Variants in SERPINE2 observed in about 807,000 individuals in gnomAD.
The protein encoded by SERPINE2 is serpin family E member 2.
A neutral mutation model predicts 36.3 loss-of-function variants in SERPINE2; 14 were observed. That is an observed-to-expected ratio of 0.39 (90% CI 0.25 to 0.60). The LOEUF is 0.60. Among genes scored for constraint, SERPINE2 ranks in the 20% least tolerant of loss-of-function variants. The pLI is 0.57. For synonymous variants in SERPINE2, 192 were observed against 191.8 expected (o/e 1.00, Z -0.01); for missense variants, 418 against 499.6 (o/e 0.84, Z 1.56).
chr2:223,984,687 G>A, intron 5 of SERPINE2, 65 bp downstream of exon 5: 3 of 1,492,692 alleles, frequency 2.0e-6, no homozygotes, highest in Non-Finnish European at 2.8e-6. Context: ...GTTGTCTGGT[G>A]TCCGACATAA....
chr2:223,989,380 G>T (rs1690560607), intron 4 of SERPINE2, among the ~76,000 whole-genome samples: 1 of 152,210 alleles, frequency 6.6e-6, no homozygotes, highest in South Asian at 2.1e-4. Context: ...TGAGGCCCAG[G>T]AAGCATCCGA....
chr2:224,021,323 C>A (rs148585450), intron 1 of SERPINE2, among the ~76,000 whole-genome samples: 1 of 152,140 alleles, frequency 6.6e-6, no homozygotes, highest in Non-Finnish European at 1.5e-5. Flanking sequence ...CCATTTCAAA[C>A]GGAGCTTGAG....
chr2:224,014,985 T>G (rs1433734792), intron 1 of SERPINE2, among the ~76,000 whole-genome samples: 1 of 151,808 alleles, frequency 6.6e-6, no homozygotes, highest in Non-Finnish European at 1.5e-5. Context: ...CTGAAGACAT[T>G]TTTTTTGGTT....
chr2:223,989,938 C>T (rs1690588251), intron 4 of SERPINE2, among the ~76,000 whole-genome samples: 1 of 152,166 alleles, frequency 6.6e-6, no homozygotes, highest in Non-Finnish European at 1.5e-5. Context: ...GGACAGTACC[C>T]TGGACAAGAA....
chr2:224,031,605 C>A lies in SERPINE2; in HGVS notation c.-23+7494G>T, dbSNP rs555710457. The stretch of plus-strand genomic sequence containing the variant: ...AATCACAGGACCTCACTCCTCTGCC[C>A]ACAGCCATTGGTATCGGGACGAGCA... On this transcript the variant is annotated intron_variant, in intron 1 of 8. Coordinates refer to ENST00000409304, the MANE Select transcript of SERPINE2 (RefSeq NM_001136528.2). 9 of 599,036 alleles carry A rather than the reference C, an allele frequency of 1.5e-5. No individual in the cohort carries two copies. The East Asian group carries it at 5.7e-4, about 38-fold the overall frequency. 37.1% of individuals were successfully genotyped at this position (599,036 alleles called of 1,614,324 possible).
At position 223,982,746 on chromosome 2, in the gene SERPINE2, G is replaced by A. The variant is rs754076799; in HGVS notation, c.920C>T (p.Pro307Leu). The change falls in exon 6 of 9, where the codon CCG (proline) becomes CTG (leucine). Residue 307 changes from proline to leucine, a missense_variant. Transcript: ENST00000409304. ...GTCAGTAATGCCAAGAACTTTCAGC[G>A]GCTCCTTCAAATCTGTTTGTGCTAC... ...TAVAQTDLKE[P>L]LKVLGITDMF... is the part of the protein sequence containing the mutation. 2.1e-5 allele frequency: 34 copies of A among 1,613,586 alleles called. No individual in the cohort carries two copies. Among genetic ancestry groups the A allele is most frequent in the Admixed American group, 1.7e-5 (1 of 59,958 alleles).
intron 1 of SERPINE2, among the ~76,000 whole-genome samples, chr2:224,017,799 G>A (rs76330385): frequency 0.01 from 1,560 of 152,266 alleles, 27 homozygotes; most frequent in African/African-American, 0.036. Context: ...ACTCGAAGCT[G>A]GCCTCTGCTG....
intron 1 of SERPINE2, among the ~76,000 whole-genome samples, chr2:224,032,494 T>C (rs1692412014): frequency 6.6e-6 from 1 of 151,884 alleles, no homozygotes; most frequent in African/African-American, 2.4e-5. Context: ...ACACTAGGGG[T>C]TGGGGGTGGG....
At chr2:224,000,334 C>T (rs1691065113) in intron 2 of SERPINE2, among the ~76,000 whole-genome samples, 1 of 152,172 alleles carries the variant, frequency 6.6e-6, no homozygotes, top group East Asian at 1.9e-4. Context: ...TTTATGGAGA[C>T]AGCAGGTGGG....
chr2:224,016,941 T>C (rs188660115), intron 1 of SERPINE2, among the ~76,000 whole-genome samples: 4 of 152,268 alleles, frequency 2.6e-5, no homozygotes, highest in Admixed American at 2.6e-4. Context: ...AGATGGAGAA[T>C]AGATCAGTAG....
chr2:224,021,725 G>C (rs1449991033), intron 1 of SERPINE2, among the ~76,000 whole-genome samples: 1 of 152,194 alleles, frequency 6.6e-6, no homozygotes, highest in Non-Finnish European at 1.5e-5. Context: ...AGAATTAAAA[G>C]TATCTGAATT....
intron 3 of SERPINE2, among the ~76,000 whole-genome samples, chr2:223,995,910 A>G (rs2106156253): frequency 6.6e-6 from 1 of 152,360 alleles, no homozygotes; most frequent in Non-Finnish European, 1.5e-5. Flanking sequence ...GGGTTTACCT[A>G]TTGAACTACA....
intron 1 of SERPINE2, among the ~76,000 whole-genome samples, chr2:224,008,787 G>A (rs1313179850): frequency 1.3e-5 from 2 of 152,202 alleles, no homozygotes; most frequent in African/African-American, 4.8e-5. Flanking sequence ...CTGAGCAACA[G>A]TGATAAGGAA....
chr2:224,015,060 G>A (rs1691754461), intron 1 of SERPINE2, among the ~76,000 whole-genome samples: 1 of 152,114 alleles, frequency 6.6e-6, no homozygotes. Context: ...GGCCAGGGAG[G>A]GTGGTGCCGT....
chr2:224,012,483 G>C (rs1559213078), intron 1 of SERPINE2, among the ~76,000 whole-genome samples: 1 of 151,900 alleles, frequency 6.6e-6, no homozygotes, highest in Admixed American at 6.6e-5. Flanking sequence ...GGTGCTTGTA[G>C]TGCCAGCTAC....
chr2:223,986,397 C>T (rs575621609), intron 4 of SERPINE2, among the ~76,000 whole-genome samples: 4 of 152,206 alleles, frequency 2.6e-5, no homozygotes, highest in East Asian at 1.9e-4. Flanking sequence ...TTCTGTCTTG[C>T]GGCAACCTAA....
intron 1 of SERPINE2, among the ~76,000 whole-genome samples, chr2:224,038,085 T>C (rs970388652): frequency 6.6e-6 from 1 of 152,222 alleles, no homozygotes; most frequent in Non-Finnish European, 1.5e-5. Context: ...ATTAGCAATG[T>C]TGACAATTCT....
At position 224,022,158 on chromosome 2, in the gene SERPINE2, C is replaced by CAAA. The variant is rs71058977; in HGVS notation, c.-23+16938_-23+16940dup. 4.9e-3 allele frequency among the ~76,000 whole-genome samples: 357 copies of CAAA among 72,244 alleles called. 6 individuals are homozygous for CAAA. Among genetic ancestry groups the CAAA allele is most frequent in the South Asian group, 0.012 (16 of 1,312 alleles). The allele number at this position is 72,244 out of a possible 152,430, so 47.4% of individuals were successfully genotyped here. On this transcript the variant is annotated intron_variant, in intron 1 of 8. Transcript: ENST00000409304. ...TGGGCAACAGAGCGAGACTCCTTCT[C>CAAA]AAAAAAAAAAAAAAAAAAAAAAAAT...
At chr2:223,988,345 AT>A (rs1163191061) in intron 4 of SERPINE2, among the ~76,000 whole-genome samples, 1 of 152,060 alleles carries the variant, frequency 6.6e-6, no homozygotes, top group Non-Finnish European at 1.5e-5. Context: ...ATTTTTAAAC[AT>A]TTTTTTGTAG....
Sources: gnomAD v4.1 joint callset for allele counts (sites outside exome capture counted in the v4.1 genomes callset) on GRCh38, gnomAD v4.1.1 for gene constraint, MANE v1.5 for transcripts, NCBI Gene and HGNC (gene_info 2026-07-23, HGNC 2026-07-21) for gene names.